The following C3orf49 variants were observed in gnomAD, a reference collection of about 807,000 sequenced individuals.
C3orf49 encodes putative uncharacterized protein C3orf49.
In C3orf49, 27 loss-of-function variants were observed where a neutral mutation model predicts 13.3. That is an observed-to-expected ratio of 2.02 (90% CI 1.49 to 2.79). The LOEUF (loss-of-function observed/expected upper bound fraction) is 2.79. Among genes scored for constraint, C3orf49 ranks in the 30% most tolerant of loss-of-function variants. C3orf49 has a pLI of 0.00. For synonymous variants in C3orf49, 87 were observed against 47.6 expected (o/e 1.83, Z -3.40); for missense variants, 242 against 134.2 (o/e 1.80, Z -3.97).
intron 5 of C3orf49, chr3:63,835,096 T>A: frequency 6.5e-7 from 1 of 1,538,902 alleles, no homozygotes; most frequent in Non-Finnish European, 8.9e-7. Flanking sequence ...AAAAGGTACA[T>A]CCCTGGGTCA....
At chr3:63,822,623 A>G (rs1701413417) in intron 1 of C3orf49, among the ~76,000 whole-genome samples, 1 of 152,240 alleles carries the variant, frequency 6.6e-6, no homozygotes, top group East Asian at 1.9e-4. Context: ...GAAAGCTATC[A>G]GGAAATGTTG....
In C3orf49 at chr3:63,845,072, C is replaced by G. The variant is rs1701858866; in HGVS notation, c.*20C>G. 1 of 698,272 alleles carries G rather than the reference C, an allele frequency of 1.4e-6. No individual in the cohort carries two copies. The highest frequency in any genetic ancestry group is 2.6e-6 in the Non-Finnish European group (1 of 382,388). 43.3% of individuals were successfully genotyped at this position (698,272 alleles called of 1,614,324 possible). ...AGCTGACCTGAGACTCCTTGAGGAA[C>G]ACAGGAAAAGGTGATGCTAACCTTC... On this transcript the variant is annotated 3_prime_UTR_variant, in exon 6 of 7. Transcript: ENST00000295896.
In C3orf49 at chr3:63,820,050, G is replaced by A. The variant is rs530131495; in HGVS notation, c.125+454G>A. 4.6e-5 allele frequency among the ~76,000 whole-genome samples: 7 copies of A among 152,242 alleles called. No individual in the cohort carries two copies. In the South Asian group the frequency reaches 6.2e-4, roughly 14 times the overall value. On this transcript the variant is annotated intron_variant, in intron 1 of 6. Coordinates refer to ENST00000295896, the MANE Select transcript of C3orf49 (RefSeq NM_001355236.2). ...CTATGGACACATTGTTTAATGTAAC[G>A]TTAAAACTGCCTTAGACTTGCTATT... is the stretch of plus-strand genomic sequence containing the variant.
At chr3:63,822,259 G>C (rs371913945) in intron 1 of C3orf49, among the ~76,000 whole-genome samples, 7 of 152,340 alleles carry the variant, frequency 4.6e-5, no homozygotes, top group South Asian at 2.1e-4. Context: ...ACAGGCGTAA[G>C]CCACCGCGCC....
intron 5 of C3orf49, chr3:63,836,441 C>G: frequency 3.2e-6 from 4 of 1,252,286 alleles, no homozygotes; most frequent in Non-Finnish European, 4.6e-6. Context: ...TCACAAACCT[C>G]TCCTAATCAC....
intron 2 of C3orf49, chr3:63,827,347 G>C (rs148910615): frequency 9.5e-6 from 3 of 317,004 alleles, no homozygotes; most frequent in South Asian, 1.1e-4. Context: ...ATCTCGAAGA[G>C]AGAGAGAGGT....
chr3:63,824,493 G>C (rs1373400795), intron 2 of C3orf49, among the ~76,000 whole-genome samples: 9 of 152,172 alleles, frequency 5.9e-5, no homozygotes, highest in Admixed American at 4.6e-4. Flanking sequence ...TATGAGTCAT[G>C]ACTAACAATA....
chr3:63,795,220 T>G, the C3orf49 span, among the ~76,000 whole-genome samples: 4 of 152,248 alleles, frequency 2.6e-5, no homozygotes, highest in East Asian at 7.7e-4. Flanking sequence ...GGCTGCTTTC[T>G]GCAACCAATC....
intron 5 of C3orf49, chr3:63,839,816 C>A (rs762385331): frequency 2.2e-5 from 34 of 1,514,480 alleles, no homozygotes; most frequent in Non-Finnish European, 2.6e-5. Context: ...CTCTTGGTAA[C>A]TTTCAAGTAC....
chr3:63,829,070 T>G (rs919948761), intron 3 of C3orf49, among the ~76,000 whole-genome samples: 2 of 152,192 alleles, frequency 1.3e-5, no homozygotes, highest in African/African-American at 4.8e-5. Flanking sequence ...TAGAGAACAT[T>G]TCCATCTTCA....
the C3orf49 span, among the ~76,000 whole-genome samples, chr3:63,789,100 G>A: frequency 2.0e-5 from 3 of 152,198 alleles, no homozygotes; most frequent in Non-Finnish European, 2.9e-5. Flanking sequence ...AAGATGGGCG[G>A]CGGGCGAGCG....
the C3orf49 span, among the ~76,000 whole-genome samples, chr3:63,812,767 T>A: frequency 6.6e-6 from 1 of 152,230 alleles, no homozygotes; most frequent in South Asian, 2.1e-4. Context: ...TGTGATTCAT[T>A]TCTAAACTTT....
upstream of C3orf49, among the ~76,000 whole-genome samples, chr3:63,815,793 A>T (rs977969580): frequency 7.6e-6 from 1 of 132,368 alleles, no homozygotes; most frequent in Admixed American, 7.7e-5. Flanking sequence ...TTTTTGACAG[A>T]GTCTTGCTCT....
At chr3:63,789,932 C>G in the C3orf49 span, among the ~76,000 whole-genome samples, 11 of 151,886 alleles carry the variant, frequency 7.2e-5, no homozygotes. Context: ...TTAGATCCCT[C>G]TCATACATCC....
the C3orf49 span, among the ~76,000 whole-genome samples, chr3:63,809,794 C>A: frequency 1.3e-5 from 2 of 152,168 alleles, no homozygotes; most frequent in Non-Finnish European, 2.9e-5. Flanking sequence ...CTCATTTACT[C>A]ATTTCCTGTA....
intron 6 of C3orf49, chr3:63,846,132 A>C (rs201137585): frequency 2.4e-6 from 1 of 414,290 alleles, no homozygotes; most frequent in Admixed American, 2.7e-5. Flanking sequence ...TGTAACTCCT[A>C]CTGCCTCTCT....
the C3orf49 span, among the ~76,000 whole-genome samples, chr3:63,794,162 T>TACACACACACACACAC: frequency 2.9e-5 from 4 of 138,024 alleles, no homozygotes; most frequent in African/African-American, 1.3e-4. Context: ...CTCAAATACC[T>TACACACACACACACAC]ACACACACAT....
chr3:63,808,872 C>G, the C3orf49 span, among the ~76,000 whole-genome samples: 24,523 of 152,172 alleles, frequency 0.16, 2,076 homozygotes, highest in Non-Finnish European at 0.19. Flanking sequence ...CCACCCACAT[C>G]CCTTTCACTC....
At chr3:63,839,410 C>A (rs1701706972) in intron 5 of C3orf49, among the ~76,000 whole-genome samples, 1 of 152,052 alleles carries the variant, frequency 6.6e-6, no homozygotes, top group African/African-American at 2.4e-5. Flanking sequence ...TAAAAGTAAC[C>A]AAACTAATGA....
Sources: gnomAD v4.1 joint callset for allele counts (sites outside exome capture counted in the v4.1 genomes callset) on GRCh38, gnomAD v4.1.1 for gene constraint, MANE v1.5 for transcripts, NCBI Gene and HGNC (gene_info 2026-07-23, HGNC 2026-07-21) for gene names.